The following CPXM2 variants were observed in gnomAD, a reference collection of about 807,000 sequenced individuals.
CPXM2 encodes the protein carboxypeptidase X, M14 family member 2.
A neutral mutation model predicts 86.1 loss-of-function variants in CPXM2; 66 were observed. That is an observed-to-expected ratio of 0.77 (90% CI 0.63 to 0.94). The LOEUF is 0.94. Ranked by LOEUF, CPXM2 falls within the 40% of genes least tolerant of loss-of-function variation. The probability of loss-of-function intolerance (pLI) is 0.00; values close to 1 mark genes in which losing one functional copy is unlikely to be tolerated. For synonymous variants in CPXM2, 388 were observed against 400.2 expected (o/e 0.97, Z 0.36); for missense variants, 948 against 1,026.3 (o/e 0.92, Z 1.04).
chr10:123,780,597 A>T (rs761280815), intron 6 of CPXM2, among the ~76,000 whole-genome samples: 4 of 152,224 alleles, frequency 2.6e-5, no homozygotes, highest in Non-Finnish European at 4.4e-5. Context: ...TATTTTTAGC[A>T]TAAATGGGAC....
At chr10:123,914,181 C>T (rs1285342585) in intron 2 of CPXM2, 1 of 430,464 alleles carries the variant, frequency 2.3e-6, no homozygotes, top group African/African-American at 2.0e-5. Context: ...CCAAGGTCAT[C>T]CGGGAACTCT....
At chr10:123,807,362 T>G (rs1000768056) in intron 4 of CPXM2, among the ~76,000 whole-genome samples, 3 of 152,178 alleles carry the variant, frequency 2.0e-5, no homozygotes, top group African/African-American at 7.2e-5. Flanking sequence ...TCCAGGGTGA[T>G]AGAAGAGATA....
intron 2 of CPXM2, among the ~76,000 whole-genome samples, chr10:123,868,276 G>T (rs1225718998): frequency 1.3e-5 from 2 of 152,126 alleles, no homozygotes; most frequent in Non-Finnish European, 2.9e-5. Flanking sequence ...TCTCTGGGCT[G>T]CACCCTGGTC....
intron 4 of CPXM2, among the ~76,000 whole-genome samples, chr10:123,816,186 G>T (rs1847809946): frequency 6.6e-6 from 1 of 152,144 alleles, no homozygotes. Flanking sequence ...CTTTACTAAT[G>T]CCATGCAAAA....
chr10:123,867,049 C>A (rs925737886), intron 2 of CPXM2, among the ~76,000 whole-genome samples: 1 of 152,244 alleles, frequency 6.6e-6, no homozygotes, highest in Admixed American at 6.5e-5. Flanking sequence ...AGGCATCCTG[C>A]AGGCTCAGAT....
intron 2 of CPXM2, among the ~76,000 whole-genome samples, chr10:123,902,995 C>T (rs2138923): frequency 0.74 from 113,239 of 152,124 alleles, 43,467 homozygotes; most frequent in African/African-American, 0.93. Flanking sequence ...CCTGGAGTAC[C>T]CTCTGGCACT....
At chr10:123,874,071 G>C (rs1944938931) in intron 2 of CPXM2, among the ~76,000 whole-genome samples, 1 of 151,728 alleles carries the variant, frequency 6.6e-6, no homozygotes. Flanking sequence ...CATTGCCCAG[G>C]GTGGTTGTCT....
At chr10:123,887,246 T>C (rs1156644301) in intron 1 of CPXM2, 1 of 129,632 alleles carries the variant, frequency 7.7e-6, no homozygotes, top group Non-Finnish European at 1.6e-5. Context: ...CAAGAATCTG[T>C]GCTCAGTGTC....
intron 4 of CPXM2, among the ~76,000 whole-genome samples, chr10:123,813,329 A>G (rs939839783): frequency 3.9e-5 from 6 of 152,196 alleles, no homozygotes; most frequent in Non-Finnish European, 8.8e-5. Flanking sequence ...GGATGTGGTA[A>G]TTCACTAGGT....
chr10:123,812,436 G>A (rs1029577449), intron 4 of CPXM2, among the ~76,000 whole-genome samples: 6 of 152,140 alleles, frequency 3.9e-5, no homozygotes, highest in Admixed American at 1.3e-4. Context: ...TTTAAAGGTA[G>A]GAGATTAATT....
At chr10:123,939,381 C>T (rs1945752842) in intron 2 of CPXM2, 1 of 152,182 alleles carries the variant, frequency 6.6e-6, no homozygotes, top group Admixed American at 6.5e-5. Flanking sequence ...GTTTTGGCTT[C>T]TCGGTCATGC....
At chr10:123,768,479 G>T (rs1186596859) in intron 9 of CPXM2, 47 bp downstream of exon 9, 1 of 1,507,776 alleles carries the variant, frequency 6.6e-7, no homozygotes, top group Non-Finnish European at 9.1e-7. Flanking sequence ...TGGAGCTGGG[G>T]CCTCGCTGCC....
chr10:123,858,621 G>A (rs1269147947), intron 3 of CPXM2, among the ~76,000 whole-genome samples: 1 of 152,202 alleles, frequency 6.6e-6, no homozygotes, highest in Non-Finnish European at 1.5e-5. Flanking sequence ...CTATAAGGCA[G>A]AGGTAATAAT....
At chr10:123,768,773 C>G in intron 8 of CPXM2, 51 bp from the exon 9 acceptor site, 1 of 1,505,124 alleles carries the variant, frequency 6.6e-7, no homozygotes. Flanking sequence ...ACACTTAGGG[C>G]CAAACGGTGC....
intron 4 of CPXM2, among the ~76,000 whole-genome samples, chr10:123,834,355 C>A (rs1848233465): frequency 6.6e-6 from 1 of 152,202 alleles, no homozygotes; most frequent in African/African-American, 2.4e-5. Context: ...ACTGGAGATT[C>A]AAGGGCAGAC....
chr10:123,762,153 C>G lies in CPXM2; in HGVS notation c.1496G>C (p.Arg499Thr). 1 of 1,614,142 alleles carries G rather than the reference C, an allele frequency of 6.2e-7. No homozygotes were observed. The highest frequency in any genetic ancestry group is 8.5e-7 in the Non-Finnish European group (1 of 1,180,038). Residue 499 changes from arginine (R) to threonine (T), a missense_variant, in exon 11 of 14, where the codon AGA (arginine) becomes ACA (threonine). Transcript: ENST00000241305. ...SENATVAAETRAVIAWMEKIP... is the reference protein window; with the variant it reads ...SENATVAAETTAVIAWMEKIP... ...TTTTTCCATCCAGGCTATGACTGCT[C>G]TGGTCTCGGCAGCCACCTGTGAACA...
chr10:123,898,904 C>T (rs1945359887), intron 2 of CPXM2, among the ~76,000 whole-genome samples: 1 of 152,158 alleles, frequency 6.6e-6, no homozygotes, highest in Non-Finnish European at 1.5e-5. Context: ...ACCACCATGC[C>T]CAGCTAAGTT....
intron 6 of CPXM2, among the ~76,000 whole-genome samples, chr10:123,790,729 G>A (rs560592759): frequency 5.3e-5 from 8 of 152,200 alleles, no homozygotes; most frequent in African/African-American, 1.9e-4. Flanking sequence ...CAAGAGAGAC[G>A]GGGGCAGCAA....
intron 2 of CPXM2, among the ~76,000 whole-genome samples, chr10:123,868,099 A>G (rs1304483587): frequency 6.6e-6 from 1 of 152,194 alleles, no homozygotes; most frequent in Non-Finnish European, 1.5e-5. Flanking sequence ...AGGCCTTCAG[A>G]GGCCTTGAAA....
Sources: allele counts gnomAD v4.1 joint callset (sites outside exome capture counted in the v4.1 genomes callset), GRCh38; gene constraint gnomAD v4.1.1; transcripts MANE v1.5; gene names NCBI Gene and HGNC (gene_info 2026-07-23, HGNC 2026-07-21).